Variants in LPP observed in about 807,000 individuals in gnomAD.
LPP encodes the protein lipoma-preferred partner.
A neutral mutation model predicts 60.4 loss-of-function variants in LPP; 38 were observed. The observed-to-expected ratio is 0.63, with a 90% confidence interval of 0.49 to 0.83. The LOEUF is 0.83. LPP is among the 40% of genes least tolerant of loss of function. The pLI, the probability that LPP is intolerant of heterozygous loss-of-function variation, is 0.00. For missense variants in LPP, 902 were observed against 783.6 expected, an observed-to-expected ratio of 1.15 and a Z score of -1.80; for synonymous variants, 328 against 290.8, an observed-to-expected ratio of 1.13 and a Z score of -1.30.
chr3:188,242,135 C>G (rs554480336), intron 2 of LPP, among the ~76,000 whole-genome samples: 8 of 152,146 alleles, frequency 5.3e-5, no homozygotes, highest in Non-Finnish European at 1.2e-4. Flanking sequence ...AAGGAATCCA[C>G]TAAATCCTTA....
chr3:188,841,356 C>T (rs959775439), intron 9 of LPP, among the ~76,000 whole-genome samples: 2 of 148,436 alleles, frequency 1.3e-5, no homozygotes, highest in African/African-American at 2.5e-5. Flanking sequence ...ACTCCTGCCT[C>T]TTCTAGTCTA....
At chr3:188,556,995 C>G (rs1023863289) in intron 6 of LPP, among the ~76,000 whole-genome samples, 35 of 152,174 alleles carry the variant, frequency 2.3e-4, no homozygotes, top group African/African-American at 7.5e-4. Context: ...GTAATTTTCT[C>G]ACCTTTTAAA....
chr3:188,401,506 A>G (rs994806457), intron 3 of LPP, among the ~76,000 whole-genome samples: 2 of 152,150 alleles, frequency 1.3e-5, no homozygotes, highest in East Asian at 3.8e-4. Context: ...ACATCCCCCA[A>G]GATTTTTCAT....
At chr3:188,303,493 A>C (rs545139313) in intron 2 of LPP, among the ~76,000 whole-genome samples, 23 of 152,334 alleles carry the variant, frequency 1.5e-4, no homozygotes, top group Non-Finnish European at 2.5e-4. Flanking sequence ...TTCTATACTT[A>C]AAGAGAGTAC....
At chr3:188,200,304 C>T (rs376904087) in intron 1 of LPP, among the ~76,000 whole-genome samples, 65 of 147,218 alleles carry the variant, frequency 4.4e-4, no homozygotes, top group Middle Eastern at 3.8e-3. Context: ...GGCTGGAGTG[C>T]AGTGGTGCGA....
At position 188,304,144 on chromosome 3, in the gene LPP, G is replaced by A. The variant is rs1169713976; in HGVS notation, c.-66-37519G>A. ...TTATAATAAATGTATCAAATTTGTA[G>A]CTACTAGCTTTGTTGCTTTTGAATT... On this transcript the variant is annotated intron_variant, in intron 2 of 11. Transcript: ENST00000617246. Among the ~76,000 whole-genome samples the A allele has an allele frequency of 2.0e-5, 3 of 152,102 alleles. No homozygotes were observed. In the East Asian group the frequency reaches 5.8e-4, roughly 29 times the overall value.
At chr3:188,480,946 G>T (rs539412831) in intron 4 of LPP, among the ~76,000 whole-genome samples, 1 of 152,302 alleles carries the variant, frequency 6.6e-6, no homozygotes, top group African/African-American at 2.4e-5. Flanking sequence ...GAATGGAGAA[G>T]ACCTCCTTCC....
chr3:188,200,116 A>T (rs547098294), intron 1 of LPP, among the ~76,000 whole-genome samples: 2 of 152,254 alleles, frequency 1.3e-5, no homozygotes, highest in East Asian at 3.9e-4. Flanking sequence ...AGAATGAGTG[A>T]TCGGTTAATT....
At chr3:188,316,278 C>A (rs1022143032) in intron 2 of LPP, among the ~76,000 whole-genome samples, 3 of 151,786 alleles carry the variant, frequency 2.0e-5, no homozygotes, top group African/African-American at 7.3e-5. Flanking sequence ...AACTCTGTCT[C>A]AAAAAAACAA....
At chr3:188,770,527 C>A (rs111378385) in intron 9 of LPP, among the ~76,000 whole-genome samples, 3,401 of 152,056 alleles carry the variant, frequency 0.022, 111 homozygotes, top group African/African-American at 0.073. Flanking sequence ...AATTACCCAG[C>A]TGTAGCGTGG....
chr3:188,406,380 G>C, intron 4 of LPP, 67 bp downstream of exon 4: 1 of 1,389,812 alleles, frequency 7.2e-7, no homozygotes. Flanking sequence ...GTGATTTGTA[G>C]TACAAAGTTG....
At chr3:188,800,372 A>G (rs1254496491) in intron 9 of LPP, among the ~76,000 whole-genome samples, 5 of 149,890 alleles carry the variant, frequency 3.3e-5, no homozygotes, top group Non-Finnish European at 7.4e-5. Context: ...CAGCCTCCCG[A>G]GTAGCTGGGA....
chr3:188,825,247 TTC>T (rs61381257), intron 9 of LPP, among the ~76,000 whole-genome samples: 265 of 118,474 alleles, frequency 2.2e-3, no homozygotes, highest in African/African-American at 7.0e-3. Flanking sequence ...CAGCCTTTCT[TTC>T]TCTCTCTCTC....
In LPP at chr3:188,879,479, C is replaced by G. The variant is rs899805347; in HGVS notation, c.*5000C>G. ...GCATATTTTTTAGGTTGTATTTATT[C>G]GTAAAGTGAAATGAGATAATAGAGT... On this transcript the variant is annotated 3_prime_UTR_variant, in exon 12 of 12. Coordinates refer to ENST00000617246, the MANE Select transcript of LPP (RefSeq NM_001375462.1). 2 of 203,436 alleles carry G rather than the reference C, an allele frequency of 9.8e-6. No homozygotes were observed. Among genetic ancestry groups the G allele is most frequent in the Non-Finnish European group, 2.0e-5 (2 of 99,234 alleles). The allele number at this position is 203,436 out of a possible 1,614,324, so 12.6% of individuals were successfully genotyped here.
intron 9 of LPP, among the ~76,000 whole-genome samples, chr3:188,789,682 A>G (rs771409380): frequency 7.9e-5 from 12 of 152,220 alleles, no homozygotes; most frequent in Non-Finnish European, 1.6e-4. Context: ...AGGAATAATC[A>G]ACATTGATGC....
At chr3:188,715,846 T>C (rs551277810) in intron 8 of LPP, among the ~76,000 whole-genome samples, 8 of 152,366 alleles carry the variant, frequency 5.3e-5, no homozygotes, top group African/African-American at 1.7e-4. Context: ...TGAGGAGCCC[T>C]CAAGGCTGAA....
intron 6 of LPP, among the ~76,000 whole-genome samples, chr3:188,566,041 T>C (rs994656060): frequency 6.6e-6 from 1 of 151,988 alleles, no homozygotes; most frequent in Non-Finnish European, 1.5e-5. Flanking sequence ...TTTCATCGTG[T>C]GGTTAATAGG....
At chr3:188,524,559 G>C in intron 5 of LPP, 106 bp from the exon 6 acceptor site, 1 of 1,131,224 alleles carries the variant, frequency 8.8e-7, no homozygotes, top group Non-Finnish European at 1.2e-6. Flanking sequence ...AAAAAAAGAG[G>C]TGCAGAAAAA....
At chr3:188,235,086 A>G (rs958973266) in intron 2 of LPP, among the ~76,000 whole-genome samples, 4 of 152,170 alleles carry the variant, frequency 2.6e-5, no homozygotes, top group African/African-American at 9.7e-5. Flanking sequence ...GGTGCTGGAA[A>G]CTTGAACCCT....
Sources: gnomAD v4.1 joint callset for allele counts (sites outside exome capture counted in the v4.1 genomes callset) on GRCh38, gnomAD v4.1.1 for gene constraint, MANE v1.5 for transcripts, NCBI Gene and HGNC (gene_info 2026-07-23, HGNC 2026-07-21) for gene names.